The following AKAP19 variants were observed in gnomAD, a reference collection of about 807,000 sequenced individuals.
AKAP19 encodes the protein A-kinase anchoring protein 19.
the AKAP19 span, among the ~76,000 whole-genome samples, chr2:190,170,735 C>T: frequency 6.6e-6 from 1 of 152,078 alleles, no homozygotes; most frequent in African/African-American, 2.4e-5. Context: ...CACATGTAAT[C>T]TCAAATTGGG....
the AKAP19 span, among the ~76,000 whole-genome samples, chr2:189,881,024 A>AT: frequency 6.6e-6 from 1 of 152,224 alleles, no homozygotes; most frequent in African/African-American, 2.4e-5. Flanking sequence ...CATACATGAC[A>AT]TACGTGAGCA....
At chr2:189,889,814 T>C in the AKAP19 span, among the ~76,000 whole-genome samples, 2 of 152,214 alleles carry the variant, frequency 1.3e-5, no homozygotes, top group African/African-American at 4.8e-5. Flanking sequence ...TTGATTCTTC[T>C]CTCTTTTCTT....
chr2:189,978,531 G>A, the AKAP19 span, among the ~76,000 whole-genome samples: 5 of 152,172 alleles, frequency 3.3e-5, no homozygotes, highest in African/African-American at 1.2e-4. Flanking sequence ...TGAGGCATGA[G>A]AATTGAACCT....
chr2:190,085,338 G>C, the AKAP19 span, among the ~76,000 whole-genome samples: 12 of 152,076 alleles, frequency 7.9e-5, no homozygotes, highest in African/African-American at 2.9e-4. Flanking sequence ...GTAACATTTT[G>C]GGTTCAATAG....
the AKAP19 span, among the ~76,000 whole-genome samples, chr2:189,911,490 G>A: frequency 6.6e-6 from 1 of 152,060 alleles, no homozygotes; most frequent in Admixed American, 6.6e-5. Context: ...ACTCTGTAAT[G>A]TCAAACACTA....
the AKAP19 span, among the ~76,000 whole-genome samples, chr2:190,001,556 G>A: frequency 1.3e-5 from 2 of 152,026 alleles, no homozygotes; most frequent in South Asian, 4.1e-4. Flanking sequence ...CTCTCCTTTT[G>A]TTTTTTGTTT....
the AKAP19 span, among the ~76,000 whole-genome samples, chr2:190,123,808 C>T: frequency 3.3e-5 from 5 of 152,184 alleles, no homozygotes; most frequent in Non-Finnish European, 5.9e-5. Flanking sequence ...AGGAGATTAG[C>T]ATGTGAGTCT....
chr2:190,175,563 G>A, the AKAP19 span, among the ~76,000 whole-genome samples: 17 of 152,282 alleles, frequency 1.1e-4, no homozygotes, highest in Admixed American at 7.8e-4. Flanking sequence ...GTCTAGAGCA[G>A]CCTAACAAAA....
At chr2:189,889,978 G>C in the AKAP19 span, among the ~76,000 whole-genome samples, 1 of 152,052 alleles carries the variant, frequency 6.6e-6, no homozygotes, top group Admixed American at 6.5e-5. Flanking sequence ...TTTTGAATTT[G>C]TTTGCTCTTG....
the AKAP19 span, among the ~76,000 whole-genome samples, chr2:189,988,326 T>C: frequency 6.6e-6 from 1 of 152,220 alleles, no homozygotes; most frequent in Non-Finnish European, 1.5e-5. Context: ...GAAGGGGAAG[T>C]TGCAAATCTT....
At chr2:189,953,379 T>C in the AKAP19 span, among the ~76,000 whole-genome samples, 2 of 152,122 alleles carry the variant, frequency 1.3e-5, no homozygotes, top group African/African-American at 2.4e-5. Flanking sequence ...CTCACACCTG[T>C]AATCCCAGCA....
At chr2:189,885,313 G>A in the AKAP19 span, among the ~76,000 whole-genome samples, 2 of 152,332 alleles carry the variant, frequency 1.3e-5, no homozygotes, top group South Asian at 4.1e-4. Context: ...ATCACCTTGT[G>A]AGAAGTCAGT....
chr2:190,057,031 G>T, the AKAP19 span: 278 of 528,344 alleles, frequency 5.3e-4, 2 homozygotes, highest in African/African-American at 4.9e-3. Flanking sequence ...TCTCCTTCTA[G>T]CTCAAAAACT....
At chr2:190,122,129 T>C in the AKAP19 span, among the ~76,000 whole-genome samples, 2 of 152,216 alleles carry the variant, frequency 1.3e-5, no homozygotes, top group Non-Finnish European at 2.9e-5. Flanking sequence ...TCGATAGATA[T>C]TTTAAAAGAA....
chr2:190,128,364 T>C, the AKAP19 span, among the ~76,000 whole-genome samples: 1 of 151,932 alleles, frequency 6.6e-6, no homozygotes, highest in African/African-American at 2.4e-5. Flanking sequence ...TAACCAAGAG[T>C]GTTTAGAGCT....
At chr2:189,944,611 A>T in the AKAP19 span, among the ~76,000 whole-genome samples, 4 of 152,224 alleles carry the variant, frequency 2.6e-5, no homozygotes. Flanking sequence ...AAACATTAAT[A>T]GATCTAAAGA....
chr2:189,881,361 G>A, the AKAP19 span, among the ~76,000 whole-genome samples: 2 of 152,106 alleles, frequency 1.3e-5, no homozygotes, highest in East Asian at 3.9e-4. Context: ...CGTCTCCAAA[G>A]GATTGTTCTC....
the AKAP19 span, among the ~76,000 whole-genome samples, chr2:189,895,695 T>A: frequency 6.6e-6 from 1 of 152,154 alleles, no homozygotes; most frequent in Non-Finnish European, 1.5e-5. Flanking sequence ...GACTTGAATA[T>A]CAGGCTAAAG....
At chr2:190,001,663 C>G in the AKAP19 span, among the ~76,000 whole-genome samples, 15 of 152,218 alleles carry the variant, frequency 9.9e-5, no homozygotes, top group East Asian at 2.9e-3. Context: ...TTTTAAACAC[C>G]TTGATTCAGT....
Sources: gnomAD v4.1 joint callset for allele counts (sites outside exome capture counted in the v4.1 genomes callset) on GRCh38, gnomAD v4.1.1 for gene constraint, MANE v1.5 for transcripts, NCBI Gene and HGNC (gene_info 2026-07-23, HGNC 2026-07-21) for gene names.